ARID2: variants seen among roughly 807,000 people sequenced by gnomAD.
The protein encoded by ARID2 is AT-rich interactive domain-containing protein 2.
A neutral mutation model predicts 184.6 loss-of-function variants in ARID2; 32 were observed. That is an observed-to-expected ratio of 0.17 (90% confidence interval 0.13 to 0.23). ARID2 has a LOEUF of 0.23. Among genes scored for constraint, ARID2 ranks in the 10% least tolerant of loss-of-function variants. The pLI, the probability that ARID2 is intolerant of heterozygous loss-of-function variation, is 1.00. For synonymous variants in ARID2, 836 were observed against 772.6 expected, an observed-to-expected ratio of 1.08 and a Z score of -1.36; for missense variants, 1,696 against 2,197.6, an observed-to-expected ratio of 0.77 and a Z score of 4.56.
chr12:45,881,679 C>A, intron 16 of ARID2: 1 of 173,498 alleles, frequency 5.8e-6, no homozygotes, highest in East Asian at 1.6e-4. Flanking sequence ...CCACTGTGTT[C>A]CCTGGGCTTC....
At chr12:45,887,482 TAAAA>T (rs1944213395) in intron 16 of ARID2, among the ~76,000 whole-genome samples, 1 of 151,938 alleles carries the variant, frequency 6.6e-6, no homozygotes, top group Non-Finnish European at 1.5e-5. Flanking sequence ...GAGGAAAAGA[TAAAA>T]GATGCAAAAG....
Position 45,904,991 on chromosome 12 carries a change from T to G in ARID2, c.5421T>G (p.Ala1807=), listed in dbSNP as rs757126096. 1.1e-5 allele frequency: 18 copies of G among 1,614,020 alleles called. No homozygotes were observed. The highest frequency in any genetic ancestry group is 1.5e-5 in the Non-Finnish European group (18 of 1,179,964). The change falls in exon 21 of 21, where the codon GCT becomes GCG. Residue 1807 remains alanine (A), a synonymous_variant. Transcript: ENST00000334344. ...TGCTAGCCATTAGTAACATGGAAGC[T>G]TCCTCCACCCTTGCCAAATGCCTTT... is the stretch of plus-strand genomic sequence containing the variant. ...LSVLAISNME[A]SSTLAKCLYE...
chr12:45,734,447 A>G (rs1941069103), intron 3 of ARID2, among the ~76,000 whole-genome samples: 1 of 152,162 alleles, frequency 6.6e-6, no homozygotes, highest in South Asian at 2.1e-4. Flanking sequence ...CTTTATTTTC[A>G]TGTAGTTCCT....
At chr12:45,785,362 C>T (rs974206990) in intron 3 of ARID2, among the ~76,000 whole-genome samples, 4 of 152,170 alleles carry the variant, frequency 2.6e-5, no homozygotes, top group African/African-American at 9.7e-5. Flanking sequence ...TCATCATCAT[C>T]ATCTTTCATT....
At chr12:45,857,500 ATAAAG>A in intron 15 of ARID2, among the ~76,000 whole-genome samples, 1 of 152,328 alleles carries the variant, frequency 6.6e-6, no homozygotes, top group African/African-American at 2.4e-5. Flanking sequence ...ATGTGTTCTT[ATAAAG>A]TAGTGTTGGC....
chr12:45,850,410 C>T lies in ARID2; in HGVS notation c.2287C>T (p.Leu763Phe), dbSNP rs763875129. ...PVTVVNSQTLLHHPSVIPQQS... is the reference protein window; with the variant it reads ...PVTVVNSQTLFHHPSVIPQQS... Reference sequence around the variant, plus strand: ...TACAGTTGTGAATTCTCAGACATTGCTTCACCATCCATCTGTAATTCCACA... The same window carrying T: ...TACAGTTGTGAATTCTCAGACATTGTTTCACCATCCATCTGTAATTCCACA... Residue 763 changes from leucine to phenylalanine, a missense_variant, in exon 15 of 21, where the codon CTT (leucine) becomes TTT (phenylalanine). Leu to Phe is a conservative substitution (Grantham distance 22). This residue lies in a region of ARID2 where 713 missense variants were observed against 824.4 expected (regional missense o/e 0.86). Coordinates refer to ENST00000334344, the MANE Select transcript of ARID2 (RefSeq NM_152641.4). 1.2e-5 allele frequency: 20 copies of T among 1,613,948 alleles called. No homozygotes were observed. Among genetic ancestry groups the T allele is most frequent in the Non-Finnish European group, 1.7e-5 (20 of 1,179,992 alleles).
chr12:45,868,194 A>G (rs1943861695), intron 16 of ARID2, among the ~76,000 whole-genome samples: 1 of 152,148 alleles, frequency 6.6e-6, no homozygotes, highest in African/African-American at 2.4e-5. Context: ...TAATCCCAGC[A>G]CTTTGAGAGG....
intron 3 of ARID2, among the ~76,000 whole-genome samples, chr12:45,767,665 G>GAAACA (rs1443366894): frequency 5.3e-5 from 8 of 152,108 alleles, no homozygotes; most frequent in East Asian, 1.9e-4. Flanking sequence ...TCTGTTTCTT[G>GAAACA]AAACAAAACA....
At chr12:45,843,787 T>C (rs1405719874) in intron 11 of ARID2, among the ~76,000 whole-genome samples, 1 of 152,212 alleles carries the variant, frequency 6.6e-6, no homozygotes, top group Non-Finnish European at 1.5e-5. Context: ...TTTACCTCAG[T>C]TGATTTTTCG....
chr12:45,880,608 A>T (rs974695649), intron 16 of ARID2, among the ~76,000 whole-genome samples: 16 of 152,362 alleles, frequency 1.1e-4, no homozygotes, highest in African/African-American at 3.8e-4. Flanking sequence ...AGATGGGGAT[A>T]ATAATAGCAC....
At chr12:45,847,407 A>G (rs1943463090) in intron 12 of ARID2, among the ~76,000 whole-genome samples, 1 of 152,082 alleles carries the variant, frequency 6.6e-6, no homozygotes, top group Non-Finnish European at 1.5e-5. Context: ...TTGTAATAGT[A>G]GACGGACATT....
At chr12:45,856,876 T>C (rs1373686197) in intron 15 of ARID2, among the ~76,000 whole-genome samples, 1 of 152,194 alleles carries the variant, frequency 6.6e-6, no homozygotes, top group Non-Finnish European at 1.5e-5. Flanking sequence ...GGTAACTGCT[T>C]ATTTCAAATG....
intron 4 of ARID2, among the ~76,000 whole-genome samples, chr12:45,815,277 T>C (rs1235417068): frequency 2.0e-5 from 3 of 152,246 alleles, no homozygotes; most frequent in Non-Finnish European, 4.4e-5. Flanking sequence ...TCTGCTCCTA[T>C]ATTCATAGAA....
At chr12:45,868,083 G>A (rs922595201) in intron 16 of ARID2, among the ~76,000 whole-genome samples, 4 of 151,854 alleles carry the variant, frequency 2.6e-5, no homozygotes, top group Non-Finnish European at 5.9e-5. Context: ...TTATCTACTC[G>A]TGTCATTTGC....
At chr12:45,824,036 C>T (rs1201075193) in intron 6 of ARID2, among the ~76,000 whole-genome samples, 1 of 152,044 alleles carries the variant, frequency 6.6e-6, no homozygotes, top group Non-Finnish European at 1.5e-5. Flanking sequence ...AAGTCCTCAA[C>T]AAAATGCTAG....
rs1327633854 is a variant in ARID2, at chr12:45,905,525, TA to T, written c.*453del. 3.4e-5 allele frequency: 8 copies of T among 233,340 alleles called. No individual in the cohort carries two copies. Among genetic ancestry groups the T allele is most frequent in the Admixed American group, 1.1e-4 (2 of 17,790 alleles). 14.5% of individuals were successfully genotyped at this position (233,340 alleles called of 1,614,324 possible). A position where few individuals can be genotyped will look rare whatever the true frequency, so the allele number is the denominator to read the frequency against. On this transcript the variant is annotated 3_prime_UTR_variant, in exon 21 of 21. Coordinates refer to ENST00000334344, the MANE Select transcript of ARID2 (RefSeq NM_152641.4). The stretch of plus-strand genomic sequence containing the variant: ...ACCGTTTAAGCTGGTTTGAATAATT[TA>T]AAAAAGTTTCAGCACACCTATACCC...
At chr12:45,856,717 A>G (rs1416667413) in intron 15 of ARID2, among the ~76,000 whole-genome samples, 1 of 152,154 alleles carries the variant, frequency 6.6e-6, no homozygotes, top group Non-Finnish European at 1.5e-5. Flanking sequence ...AGCTATATTA[A>G]TTTTATTACA....
At chr12:45,884,500 A>G (rs571567873) in intron 16 of ARID2, among the ~76,000 whole-genome samples, 2 of 152,328 alleles carry the variant, frequency 1.3e-5, no homozygotes, top group Admixed American at 1.3e-4. Flanking sequence ...CCCAATATTC[A>G]TATTTGTTTG....
chr12:45,872,994 T>A (rs911480997), intron 16 of ARID2, among the ~76,000 whole-genome samples: 4 of 152,204 alleles, frequency 2.6e-5, no homozygotes, highest in Admixed American at 6.5e-5. Flanking sequence ...TAATAGTGGA[T>A]TTGGTTCTTT....
Sources: gnomAD v4.1 joint callset for allele counts (sites outside exome capture counted in the v4.1 genomes callset) on GRCh38, gnomAD v4.1.1 for gene constraint, gnomAD v4.1.1 regional missense constraint, MANE v1.5 for transcripts, NCBI Gene and HGNC (gene_info 2026-07-23, HGNC 2026-07-21) for gene names.